The following CFAP251 variants were observed in gnomAD, a reference collection of about 807,000 sequenced individuals.
CFAP251 encodes the protein cilia- and flagella-associated protein 251.
CFAP251 carries 93 observed loss-of-function variants against 126.7 expected under a neutral mutation model. That is an observed-to-expected ratio of 0.73 (90% CI 0.62 to 0.87). CFAP251 has a LOEUF of 0.87. CFAP251 is among the 40% of genes least tolerant of loss of function. The pLI, the probability that CFAP251 is intolerant of heterozygous loss-of-function variation, is 0.00. For synonymous variants in CFAP251, 503 were observed against 506.9 expected (o/e 0.99, Z 0.10); for missense variants, 1,287 against 1,389.2 (o/e 0.93, Z 1.17).
chr12:121,976,226 C>T (rs1345723782), intron 19 of CFAP251, among the ~76,000 whole-genome samples: 2 of 152,050 alleles, frequency 1.3e-5, no homozygotes, highest in Non-Finnish European at 2.9e-5. Context: ...TCAGACTGGT[C>T]TCAAACTCCT....
chr12:121,934,176 C>A, intron 4 of CFAP251, 71 bp from the exon 5 acceptor site: 2 of 1,198,778 alleles, frequency 1.7e-6, no homozygotes, highest in South Asian at 1.4e-5. Flanking sequence ...GGGTCCCCGG[C>A]CTTTGCTGAT....
At chr12:121,984,960 T>C (rs1334065872) in intron 19 of CFAP251, among the ~76,000 whole-genome samples, 2 of 152,162 alleles carry the variant, frequency 1.3e-5, no homozygotes, top group Non-Finnish European at 2.9e-5. Context: ...TGGTGGACGC[T>C]TGGCAAATGT....
chr12:121,961,020 C>T (rs1881914423), intron 14 of CFAP251, among the ~76,000 whole-genome samples: 1 of 152,202 alleles, frequency 6.6e-6, no homozygotes, highest in Admixed American at 6.5e-5. Flanking sequence ...TTCCCCATAG[C>T]TTGGAAAGCA....
At chr12:121,969,147 A>G in intron 17 of CFAP251, 1 of 985,432 alleles carries the variant, frequency 1.0e-6, no homozygotes, top group Non-Finnish European at 1.2e-6. Context: ...CCTGGCTGCC[A>G]GCACAGTGTA....
intron 19 of CFAP251, among the ~76,000 whole-genome samples, chr12:121,981,823 T>C (rs1194250756): frequency 1.3e-5 from 2 of 152,230 alleles, no homozygotes; most frequent in Non-Finnish European, 2.9e-5. Flanking sequence ...GAATCCTGAC[T>C]GTGACCACGT....
chr12:121,982,757 G>A (rs994568750), intron 19 of CFAP251, among the ~76,000 whole-genome samples: 13 of 152,144 alleles, frequency 8.5e-5, no homozygotes, highest in South Asian at 6.2e-4. Flanking sequence ...CCCACGTGTC[G>A]CACAAAATAC....
At chr12:121,982,738 C>A (rs1882652970) in intron 19 of CFAP251, among the ~76,000 whole-genome samples, 1 of 152,112 alleles carries the variant, frequency 6.6e-6, no homozygotes, top group South Asian at 2.1e-4. Context: ...TTAGCCCTGG[C>A]AACCAGTGCC....
chr12:121,963,125 C>T (rs1271857256), intron 15 of CFAP251, among the ~76,000 whole-genome samples: 1 of 151,952 alleles, frequency 6.6e-6, no homozygotes, highest in Non-Finnish European at 1.5e-5. Flanking sequence ...GACTCTGGGG[C>T]GCAAAGGTAG....
intron 16 of CFAP251, 65 bp from the exon 17 acceptor site, chr12:121,967,941 C>T (rs1208164084): frequency 2.2e-5 from 31 of 1,439,906 alleles, no homozygotes; most frequent in African/African-American, 2.8e-5. Flanking sequence ...GACATGTGAA[C>T]GTGCCAGGCC....
At chr12:121,925,768 G>A (rs1442827216) in intron 3 of CFAP251, among the ~76,000 whole-genome samples, 1 of 152,168 alleles carries the variant, frequency 6.6e-6, no homozygotes, top group Non-Finnish European at 1.5e-5. Context: ...GCTTAGCCTT[G>A]GTCTCACTGC....
intron 19 of CFAP251, among the ~76,000 whole-genome samples, chr12:121,981,176 A>C (rs1286051481): frequency 6.6e-6 from 1 of 152,152 alleles, no homozygotes; most frequent in African/African-American, 2.4e-5. Context: ...AAAGAATAAA[A>C]TGAACTCTTG....
intron 3 of CFAP251, among the ~76,000 whole-genome samples, chr12:121,929,870 G>T (rs950060718): frequency 6.6e-6 from 1 of 152,062 alleles, no homozygotes; most frequent in African/African-American, 2.4e-5. Context: ...TAGAGATGGG[G>T]TTTCACCGTG....
At chr12:121,978,908 G>C (rs1337142575) in intron 19 of CFAP251, among the ~76,000 whole-genome samples, 1 of 152,038 alleles carries the variant, frequency 6.6e-6, no homozygotes, top group Non-Finnish European at 1.5e-5. Flanking sequence ...AGAATTACTG[G>C]GTCAGAGAAT....
At chr12:121,978,262 C>G (rs532396690) in intron 19 of CFAP251, among the ~76,000 whole-genome samples, 1 of 149,084 alleles carries the variant, frequency 6.7e-6, no homozygotes, top group Non-Finnish European at 1.5e-5. Flanking sequence ...AGCGTGGTGG[C>G]GGGTGCCTAT....
chr12:121,986,185 T>G (rs1882741297), intron 19 of CFAP251, among the ~76,000 whole-genome samples: 2 of 151,890 alleles, frequency 1.3e-5, no homozygotes, highest in Admixed American at 1.3e-4. Context: ...AGAGATGGGG[T>G]TTCGCCATGT....
intron 17 of CFAP251, among the ~76,000 whole-genome samples, chr12:121,968,548 C>T (rs1404158563): frequency 1.3e-5 from 2 of 152,170 alleles, no homozygotes; most frequent in Admixed American, 1.3e-4. Flanking sequence ...TCTCACCCTC[C>T]CTGCCCTGAA....
intron 7 of CFAP251, among the ~76,000 whole-genome samples, chr12:121,946,542 C>T (rs1034799305): frequency 3.3e-5 from 5 of 152,064 alleles, no homozygotes; most frequent in African/African-American, 1.2e-4. Flanking sequence ...TCTCCTTGGC[C>T]CCCAGCTGAT....
intron 19 of CFAP251, among the ~76,000 whole-genome samples, chr12:121,984,248 C>T (rs189075327): frequency 1.3e-5 from 2 of 152,254 alleles, no homozygotes; most frequent in East Asian, 3.9e-4. Context: ...TGCTCAGGAG[C>T]AAAACACAGC....
intron 1 of CFAP251, among the ~76,000 whole-genome samples, chr12:121,919,564 C>A (rs1440619507): frequency 2.6e-5 from 4 of 151,986 alleles, no homozygotes; most frequent in Non-Finnish European, 2.9e-5. Flanking sequence ...TAGGATTATT[C>A]TTTTCATTTT....
Sources: gnomAD v4.1 joint callset for allele counts (sites outside exome capture counted in the v4.1 genomes callset) on GRCh38, gnomAD v4.1.1 for gene constraint, MANE v1.5 for transcripts, NCBI Gene and HGNC (gene_info 2026-07-23, HGNC 2026-07-21) for gene names.